Variants in PLA2G3 observed in about 807,000 individuals in gnomAD.
PLA2G3 encodes group 3 secretory phospholipase A2.
PLA2G3 carries 39 observed loss-of-function variants against 51.3 expected under a neutral mutation model. That is an observed-to-expected ratio of 0.76 (90% CI 0.59 to 0.99). The LOEUF is 0.99. Ranked by LOEUF, PLA2G3 falls within the 50% of genes least tolerant of loss-of-function variation. The pLI, the probability that PLA2G3 is intolerant of heterozygous loss-of-function variation, is 0.00. For missense variants in PLA2G3, 677 were observed against 662.1 expected (o/e 1.02, Z -0.25); for synonymous variants, 293 against 263.1 (o/e 1.11, Z -1.10).
At chr22:31,136,835 C>A in intron 5 of PLA2G3, 36 bp from the exon 6 acceptor site, 1 of 1,602,300 alleles carries the variant, frequency 6.2e-7, no homozygotes, top group Non-Finnish European at 8.5e-7. Flanking sequence ...GGGGCAGGGC[C>A]TTGCCAGCCA....
At chr22:31,138,438 TG>T in intron 2 of PLA2G3, 28 bp from the exon 3 acceptor site, 2 of 1,610,996 alleles carry the variant, frequency 1.2e-6, no homozygotes, top group Non-Finnish European at 1.7e-6. Flanking sequence ...CCCAGGACCC[TG>T]GGGCATGGAG....
At position 31,137,022 on chromosome 22, in the gene PLA2G3, C is replaced by T. The variant is rs758319025; in HGVS notation, c.1085G>A (p.Arg362His). Residue 362 changes from arginine (R) to histidine (H), a missense_variant, in exon 5 of 7, where the codon CGC becomes CAC. Transcript: ENST00000215885. The part of the protein sequence containing the change: ...LKPQGARWVC[R>H]SFRRHLDQCE... ...CTGGTCCAGGTGGCGGCGGAAGCTG[C>T]GGCAGACCCAGCGGGCACCTGAGGG... The T allele has an allele frequency of 6.4e-5, 99 of 1,545,004 alleles. No homozygotes were observed. Among genetic ancestry groups the T allele is most frequent in the South Asian group, 2.7e-4 (23 of 84,012 alleles).
chr22:31,139,494 C>T (rs1407947971), intron 1 of PLA2G3, among the ~76,000 whole-genome samples: 2 of 152,092 alleles, frequency 1.3e-5, no homozygotes, highest in East Asian at 3.9e-4. Flanking sequence ...CCAGGCCTTT[C>T]GTCTCAGCAT....
intron 1 of PLA2G3, among the ~76,000 whole-genome samples, chr22:31,139,607 T>A (rs916478042): frequency 6.6e-6 from 1 of 152,104 alleles, no homozygotes; most frequent in Non-Finnish European, 1.5e-5. Flanking sequence ...GTCCCTCGGA[T>A]GGCATTTAAT....
Position 31,136,896 on chromosome 22 carries a change from A to G in PLA2G3, c.1199+12T>C, listed in dbSNP as rs1049057911. 6.2e-7 allele frequency: 1 copy of G among 1,608,820 alleles called. No individual in the cohort carries two copies. The highest frequency in any genetic ancestry group is 8.5e-7 in the Non-Finnish European group (1 of 1,178,186). ...AGGCAGCCCACCCCGCGAGGGTTCA[A>G]AGGGGCCTCACCGGCGCGTGCAGTT... On this transcript the variant is annotated intron_variant, in intron 5 of 6. Transcript: ENST00000215885.
rs1319887624 is a variant in PLA2G3, at chr22:31,140,308, A to G, written c.47T>C (p.Val16Ala). 6.8e-6 allele frequency: 11 copies of G among 1,609,104 alleles called. No individual in the cohort carries two copies. The highest frequency in any genetic ancestry group is 9.3e-6 in the Non-Finnish European group (11 of 1,178,982). The change falls in exon 1 of 7, where the codon GTG becomes GCG. Residue 16 changes from valine (V) to alanine (A), a missense_variant. Val to Ala is a moderately conservative substitution (Grantham distance 64). Coordinates refer to ENST00000215885, the MANE Select transcript of PLA2G3 (RefSeq NM_015715.5). ...GLFGMLGFLG[V>A]ALGGSPALRW... Reference sequence around the variant, plus strand: ...GAGGGCAGGGGAGCCCCCCAGGGCCACCCCCAGGAAGCCCAGCATCCCAAA... The same window carrying G: ...GAGGGCAGGGGAGCCCCCCAGGGCCGCCCCCAGGAAGCCCAGCATCCCAAA...
chr22:31,137,440 G>C (rs1922639400), intron 4 of PLA2G3, among the ~76,000 whole-genome samples: 1 of 152,216 alleles, frequency 6.6e-6, no homozygotes, highest in South Asian at 2.1e-4. Flanking sequence ...ACTGGGGGTA[G>C]GGTCTGCAGG....
intron 4 of PLA2G3, among the ~76,000 whole-genome samples, 197 bp from the exon 5 acceptor site, chr22:31,137,237 A>G (rs1390036806): frequency 6.6e-6 from 1 of 152,146 alleles, no homozygotes; most frequent in African/African-American, 2.4e-5. Context: ...GCCGCCAAAC[A>G]CGGTAGTACT....
At position 31,137,757 on chromosome 22, in the gene PLA2G3, A is replaced by C; in HGVS notation, c.1019T>G (p.Val340Gly). 1.2e-6 allele frequency: 2 copies of C among 1,613,438 alleles called. No individual in the cohort carries two copies. The highest frequency in any genetic ancestry group is 1.7e-6 in the Non-Finnish European group (2 of 1,179,856). ...TGGGCCCTGGAGGCCTGTGGGGGCC[A>C]CATCAAGCCTGGGAGAGACCATAGG... The part of the protein sequence containing the change: ...QDPMVSPRLD[V>G]APTGLQGPQG... The change falls in exon 4 of 7, where the codon GTG becomes GGG. Residue 340 changes from valine to glycine, a missense_variant. By Grantham distance (109) the Val-to-Gly change is moderately radical (BLOSUM62 -3). Coordinates refer to ENST00000215885, the MANE Select transcript of PLA2G3 (RefSeq NM_015715.5).
intron 6 of PLA2G3, 39 bp downstream of exon 6, chr22:31,136,644 A>G: frequency 6.4e-7 from 1 of 1,556,606 alleles, no homozygotes; most frequent in Non-Finnish European, 8.9e-7. Context: ...CCACCCTTTG[A>G]GAAAACCCCC....
intron 4 of PLA2G3, 42 bp downstream of exon 4, chr22:31,137,668 C>A (rs747029361): frequency 4.1e-5 from 63 of 1,530,822 alleles, no homozygotes; most frequent in Non-Finnish European, 5.1e-5. Context: ...GCAGGGACAC[C>A]CCCTCATGTC....
intron 1 of PLA2G3, among the ~76,000 whole-genome samples, chr22:31,139,001 G>A (rs1922750479): frequency 6.6e-6 from 1 of 152,190 alleles, no homozygotes; most frequent in Non-Finnish European, 1.5e-5. Flanking sequence ...AAGCCAAGCT[G>A]CAGCCTCTGT....
At chr22:31,138,618 T>TCCCTG in intron 2 of PLA2G3, 49 bp downstream of exon 2, 1 of 1,609,628 alleles carries the variant, frequency 6.2e-7, no homozygotes, top group Non-Finnish European at 8.5e-7. Flanking sequence ...AGGAACTGGG[T>TCCCTG]AACTCTGCCC....
rs749542173 is a variant in PLA2G3, at chr22:31,137,859, T to C, written c.917A>G (p.Gln306Arg). 7 of 1,613,982 alleles carry C rather than the reference T, an allele frequency of 4.3e-6. No homozygotes were observed. The highest frequency in any genetic ancestry group is 4.0e-5 in the African/African-American group (3 of 74,914). ...ATGTGGTGGCCCCTTCCGAAGGTGC[T>C]GCTTCTGTCGAGGCTTGGGAGGGGC... is the stretch of plus-strand genomic sequence containing the variant. Reference protein sequence around the residue: ...SPAPPKPRQKQHLRKGPPHQK... With the variant: ...SPAPPKPRQKRHLRKGPPHQK... Residue 306 changes from glutamine (Q) to arginine (R), a missense_variant, in exon 4 of 7, where the codon CAG becomes CGG. Physicochemically the swap from Gln to Arg is conservative, Grantham distance 43. Transcript: ENST00000215885.
At position 31,140,491 on chromosome 22, in the gene PLA2G3, G is replaced by C. The variant is rs533916889; in HGVS notation, c.-137C>G. 5.4e-6 allele frequency: 5 copies of C among 930,998 alleles called. No individual in the cohort carries two copies. The highest frequency in any genetic ancestry group is 7.9e-6 in the Non-Finnish European group (5 of 632,110). The allele number at this position is 930,998 out of a possible 1,614,324, so 57.7% of individuals were successfully genotyped here. On this transcript the variant is annotated 5_prime_UTR_variant, in exon 1 of 7. Coordinates refer to ENST00000215885, the MANE Select transcript of PLA2G3 (RefSeq NM_015715.5). ...CGGCGGGACCAATGAATGGAGCTGC[G>C]GGAGGAGGAGGAAAGAGGCTGGAGT...
In PLA2G3 at chr22:31,137,050, GGATGTGGTGTT is replaced by G; in HGVS notation, c.1067-21_1067-11del. The G allele has an allele frequency of 6.6e-7, 1 of 1,520,468 alleles. No individual in the cohort carries two copies. Among genetic ancestry groups the G allele is most frequent in the Non-Finnish European group, 8.8e-7 (1 of 1,133,022 alleles). The allele number at this position is 1,520,468 out of a possible 1,614,324, so 94.2% of individuals were successfully genotyped here. On this transcript the variant is annotated splice_polypyrimidine_tract_variant and intron_variant, in intron 4 of 6. Coordinates refer to ENST00000215885, the MANE Select transcript of PLA2G3 (RefSeq NM_015715.5). ...CAGACCCAGCGGGCACCTGAGGGGT[GGATGTGGTGTT>G]GATGGGAGCCCAATCCACCAGGGAG... is the stretch of plus-strand genomic sequence containing the variant.
chr22:31,137,739 T>C lies in PLA2G3; in HGVS notation c.1037A>G (p.Gln346Arg). The C allele has an allele frequency of 1.2e-6, 2 of 1,611,810 alleles. No individual in the cohort carries two copies. Among genetic ancestry groups the C allele is most frequent in the South Asian group, 1.1e-5 (1 of 90,752 alleles). The part of the protein sequence containing the change: ...PRLDVAPTGL[Q>R]GPQGGLKPQG... ...AGGTTTTAGGCCACCCTGTGGGCCC[T>C]GGAGGCCTGTGGGGGCCACATCAAG... Residue 346 changes from glutamine to arginine, a missense_variant, in exon 4 of 7, where the codon CAG becomes CGG. Gln to Arg is a conservative substitution (Grantham distance 43). Transcript: ENST00000215885.
intron 3 of PLA2G3, 76 bp from the exon 4 acceptor site, chr22:31,138,069 G>A (rs537099798): frequency 1.7e-4 from 245 of 1,450,604 alleles, no homozygotes; most frequent in Middle Eastern, 1.2e-3. Context: ...TCTCCATGGA[G>A]ATCAATGCTC....
Position 31,136,978 on chromosome 22 carries a change from G to A in PLA2G3, c.1129C>T (p.Pro377Ser), listed in dbSNP as rs1569293559. 1.3e-6 allele frequency: 2 copies of A among 1,573,570 alleles called. No individual in the cohort carries two copies. The highest frequency in any genetic ancestry group is 1.7e-6 in the Non-Finnish European group (2 of 1,159,974). The part of the protein sequence containing the change: ...HLDQCEHQIG[P>S]REIEFQLLNS... Reference sequence around the variant, plus strand: ...AGCAGCTGGAACTCGATTTCCCGGGGCCCAATCTGGTGCTCACACTGGTCC... The same window carrying A: ...AGCAGCTGGAACTCGATTTCCCGGGACCCAATCTGGTGCTCACACTGGTCC... The change falls in exon 5 of 7, where the codon CCC becomes TCC. Residue 377 changes from proline (P) to serine (S), a missense_variant. By Grantham distance (74) the Pro-to-Ser change is moderately conservative. Transcript: ENST00000215885.
Sources: gnomAD v4.1 joint callset for allele counts (sites outside exome capture counted in the v4.1 genomes callset) on GRCh38, gnomAD v4.1.1 for gene constraint, MANE v1.5 for transcripts, NCBI Gene and HGNC (gene_info 2026-07-23, HGNC 2026-07-21) for gene names.